PTPRD: variants seen among roughly 807,000 people sequenced by gnomAD.
PTPRD encodes the protein protein tyrosine phosphatase receptor type D.
PTPRD carries 34 observed loss-of-function variants against 214.5 expected under a neutral mutation model. The observed-to-expected ratio is 0.16, with a 90% CI of 0.12 to 0.21. The LOEUF is 0.21. Among genes scored for constraint, PTPRD ranks in the 10% least tolerant of loss-of-function variants. The probability of loss-of-function intolerance (pLI) is 1.00; values close to 1 mark genes in which losing one functional copy is unlikely to be tolerated. For synonymous variants in PTPRD, 1,128 were observed against 845.7 expected (o/e 1.33, Z -5.79); for missense variants, 2,545 against 2,398.7 (o/e 1.06, Z -1.27).
chr9:9,511,806 T>C (rs944278351), intron 8 of PTPRD, among the ~76,000 whole-genome samples: 1 of 151,814 alleles, frequency 6.6e-6, no homozygotes, highest in African/African-American at 2.4e-5. Flanking sequence ...ATTTCTGTAA[T>C]GTAGGTCAAA....
intron 6 of PTPRD, among the ~76,000 whole-genome samples, chr9:9,761,364 G>C (rs1166656068): frequency 2.6e-5 from 4 of 152,166 alleles, no homozygotes; most frequent in Non-Finnish European, 5.9e-5. Flanking sequence ...AGTGTTGCCA[G>C]GAAGTATTGT....
At chr9:9,722,658 G>C (rs377204620) in intron 7 of PTPRD, among the ~76,000 whole-genome samples, 14 of 152,076 alleles carry the variant, frequency 9.2e-5, no homozygotes, top group African/African-American at 3.4e-4. Context: ...CATCTGAAGT[G>C]TCTGCATCAT....
At chr9:10,446,167 C>T (rs879518218) in intron 2 of PTPRD, among the ~76,000 whole-genome samples, 50 of 151,940 alleles carry the variant, frequency 3.3e-4, no homozygotes, top group African/African-American at 4.8e-4. Flanking sequence ...GGATTTGATG[C>T]TACAGGTAGT....
chr9:8,805,505 TAGAAAAAAAAAAC>T (rs2096658077), intron 11 of PTPRD, among the ~76,000 whole-genome samples: 1 of 150,204 alleles, frequency 6.7e-6, no homozygotes, highest in Non-Finnish European at 1.5e-5. Flanking sequence ...TCAATTGCAA[TAGAAAAAAAAAAC>T]AGAAAAATAA....
At chr9:8,327,499 T>G (rs1246046124) in intron 44 of PTPRD, among the ~76,000 whole-genome samples, 2 of 152,170 alleles carry the variant, frequency 1.3e-5, no homozygotes, top group Non-Finnish European at 1.5e-5. Context: ...CTGAGAAGAA[T>G]GTATAATTCT....
chr9:9,502,606 A>C (rs2096455626), intron 8 of PTPRD, among the ~76,000 whole-genome samples: 1 of 151,942 alleles, frequency 6.6e-6, no homozygotes, highest in South Asian at 2.1e-4. Flanking sequence ...GAGAAATAAA[A>C]ACATTTGTTT....
At chr9:8,626,202 A>G (rs1426243166) in intron 14 of PTPRD, among the ~76,000 whole-genome samples, 1 of 151,888 alleles carries the variant, frequency 6.6e-6, no homozygotes, top group Non-Finnish European at 1.5e-5. Flanking sequence ...TATCAATGAA[A>G]GCCAACCAAC....
intron 9 of PTPRD, among the ~76,000 whole-genome samples, chr9:9,196,273 A>T (rs1288449910): frequency 1.3e-5 from 2 of 152,236 alleles, no homozygotes; most frequent in Non-Finnish European, 2.9e-5. Flanking sequence ...TATATGAAAT[A>T]GTCATGTCTG....
At chr9:9,755,414 T>G (rs919480624) in intron 6 of PTPRD, among the ~76,000 whole-genome samples, 2 of 152,058 alleles carry the variant, frequency 1.3e-5, no homozygotes, top group Non-Finnish European at 2.9e-5. Context: ...TACCACGGTT[T>G]AAGGGTAGAT....
chr9:10,314,951 T>A (rs548828070), intron 3 of PTPRD, among the ~76,000 whole-genome samples: 1 of 151,922 alleles, frequency 6.6e-6, no homozygotes, highest in Non-Finnish European at 1.5e-5. Context: ...TGGGACAAGA[T>A]AATATAGATT....
chr9:10,156,503 G>C (rs2099094357), intron 3 of PTPRD, among the ~76,000 whole-genome samples: 1 of 152,092 alleles, frequency 6.6e-6, no homozygotes, highest in African/African-American at 2.4e-5. Context: ...GTCCAAGAGA[G>C]TTGTTATGGG....
At chr9:8,370,094 C>A (rs2081054489) in intron 39 of PTPRD, among the ~76,000 whole-genome samples, 1 of 151,904 alleles carries the variant, frequency 6.6e-6, no homozygotes, top group Non-Finnish European at 1.5e-5. Flanking sequence ...AATCCATGAC[C>A]TCTTAAGAAA....
At chr9:8,903,189 A>T (rs139047495) in intron 11 of PTPRD, among the ~76,000 whole-genome samples, 2 of 151,756 alleles carry the variant, frequency 1.3e-5, no homozygotes, top group African/African-American at 4.8e-5. Flanking sequence ...TCACAGGTAC[A>T]TGTGGACGTT....
chr9:9,788,630 C>T (rs902457829), intron 5 of PTPRD, among the ~76,000 whole-genome samples: 8 of 151,046 alleles, frequency 5.3e-5, no homozygotes, highest in African/African-American at 1.9e-4. Context: ...TATTTAAATC[C>T]CGTAGACACA....
chr9:8,367,678 C>T (rs13302559), intron 39 of PTPRD, among the ~76,000 whole-genome samples: 2,593 of 152,300 alleles, frequency 0.017, 29 homozygotes, highest in Non-Finnish European at 0.025. Context: ...GTTTTCTACT[C>T]TTCTGAATCA....
chr9:8,560,513 G>A (rs373623759), intron 14 of PTPRD, among the ~76,000 whole-genome samples: 3 of 151,178 alleles, frequency 2.0e-5, no homozygotes, highest in Non-Finnish European at 2.9e-5. Flanking sequence ...TTCATATTAA[G>A]AGTAATCAAC....
At chr9:8,321,100 A>G (rs918975093) in intron 44 of PTPRD, among the ~76,000 whole-genome samples, 4 of 152,108 alleles carry the variant, frequency 2.6e-5, no homozygotes, top group Non-Finnish European at 5.9e-5. Context: ...AAGTGATTGA[A>G]GATGTCTAGC....
In PTPRD at chr9:10,168,098, GT is replaced by G. The variant is rs147141512; in HGVS notation, c.-544-134309del. 2.0e-3 allele frequency among the ~76,000 whole-genome samples: 299 copies of G among 152,248 alleles called. 4 individuals carry two copies. Among genetic ancestry groups the G allele is most frequent in the African/African-American group, 6.8e-3 (283 of 41,550 alleles). ...TTAAGACTGTGTAGAACATCTTGAA[GT>G]TTGGAAACATATTTGCTTTTGCAGG... is the stretch of plus-strand genomic sequence containing the variant. On this transcript the variant is annotated intron_variant, in intron 3 of 45. Coordinates refer to ENST00000381196, the MANE Select transcript of PTPRD (RefSeq NM_002839.4).
At chr9:9,275,118 A>G (rs1314713490) in intron 9 of PTPRD, among the ~76,000 whole-genome samples, 5 of 53,450 alleles carry the variant, frequency 9.4e-5, no homozygotes, top group East Asian at 1.0e-3. Context: ...TTATATATAT[A>G]TTATATATAT....
Sources: gnomAD v4.1 joint callset for allele counts (sites outside exome capture counted in the v4.1 genomes callset) on GRCh38, gnomAD v4.1.1 for gene constraint, MANE v1.5 for transcripts, NCBI Gene and HGNC (gene_info 2026-07-23, HGNC 2026-07-21) for gene names.